The following MINDY4B variants were observed in gnomAD, a reference collection of about 807,000 sequenced individuals.
The protein encoded by MINDY4B is inactive ubiquitin carboxyl-terminal hydrolase MINDY-4B.
Under a neutral mutation model 16.7 loss-of-function variants are expected in MINDY4B, and 25 were observed. That is an observed-to-expected ratio of 1.49 (90% CI 1.09 to 2.09). The LOEUF (loss-of-function observed/expected upper bound fraction) is 2.09. Ranked by LOEUF, MINDY4B falls within the 30% of genes most tolerant of loss-of-function variation. The pLI is 0.00. For missense variants in MINDY4B, 327 were observed against 168.4 expected, an observed-to-expected ratio of 1.94 and a Z score of -5.21; for synonymous variants, 132 against 61.9, an observed-to-expected ratio of 2.13 and a Z score of -5.32.
At chr3:150,873,522 G>T (rs1717017552) in intron 10 of MINDY4B, among the ~76,000 whole-genome samples, 155 bp from the exon 11 acceptor site, 1 of 152,190 alleles carries the variant, frequency 6.6e-6, no homozygotes, top group South Asian at 2.1e-4. Context: ...TGAAATCAAG[G>T]CTTCGTCATG....
chr3:150,897,488 G>A (rs191461005), intron 3 of MINDY4B, among the ~76,000 whole-genome samples: 111 of 152,204 alleles, frequency 7.3e-4, no homozygotes, highest in Non-Finnish European at 1.2e-3. Context: ...GTGGACAAAC[G>A]GAGCGTGGAG....
chr3:150,890,388 A>G lies in MINDY4B; in HGVS notation c.688-3T>C. 3.2e-6 allele frequency: 2 copies of G among 629,090 alleles called. No individual in the cohort carries two copies. The highest frequency in any genetic ancestry group is 2.8e-5 in the East Asian group (1 of 35,102). The allele number at this position is 629,090 out of a possible 1,614,324, so 39.0% of individuals were successfully genotyped here. On this transcript the variant is annotated splice_polypyrimidine_tract_variant and splice_region_variant and intron_variant, in intron 6 of 11. Coordinates refer to ENST00000465419, the MANE Select transcript of MINDY4B (RefSeq NM_001351281.2). ...TCTAAAAATTCAAACAGCTGGAGCT[A>G]TAAATCAGGAACAGAAGATAAAAAT...
At chr3:150,874,588 AAGG>A (rs1342354506) in intron 10 of MINDY4B, among the ~76,000 whole-genome samples, 2 of 152,212 alleles carry the variant, frequency 1.3e-5, no homozygotes, top group Non-Finnish European at 2.9e-5. Context: ...ATGTGACGCC[AAGG>A]AGAATTCCTG....
intron 11 of MINDY4B, among the ~76,000 whole-genome samples, chr3:150,871,997 C>G (rs186963167): frequency 4.6e-5 from 7 of 152,330 alleles, no homozygotes; most frequent in African/African-American, 1.4e-4. Flanking sequence ...TAAGAAGGTA[C>G]TTAGCATCTA....
intron 8 of MINDY4B, among the ~76,000 whole-genome samples, chr3:150,884,657 A>G (rs1170839930): frequency 1.3e-5 from 2 of 152,156 alleles, no homozygotes; most frequent in Non-Finnish European, 2.9e-5. Context: ...TGATGGCGGT[A>G]TATAAAAGAC....
rs1183662596 is a variant in MINDY4B, at chr3:150,873,268, CTGA to C, written c.1156_1158del (p.Ser386del). On this transcript the variant is annotated inframe_deletion, in exon 11 of 12. Coordinates refer to ENST00000465419, the MANE Select transcript of MINDY4B (RefSeq NM_001351281.2). ...TCAAAGAGACGTTCCATTTTCCAGT[CTGA>C]TAAGAGCTGCCTGTTTGTGCAAAAA... 1 of 702,918 alleles carries C rather than the reference CTGA, an allele frequency of 1.4e-6. No homozygotes were observed. Among genetic ancestry groups the C allele is most frequent in the East Asian group, 2.7e-5 (1 of 37,304 alleles). The allele number at this position is 702,918 out of a possible 1,614,324, so 43.5% of individuals were successfully genotyped here.
At chr3:150,873,475 C>G (rs1717016335) in intron 10 of MINDY4B, 108 bp from the exon 11 acceptor site, 1 of 626,800 alleles carries the variant, frequency 1.6e-6, no homozygotes. Context: ...TCTTGTTGCA[C>G]TTGTCGCGTG....
chr3:150,881,276 C>T (rs561742560), intron 10 of MINDY4B, among the ~76,000 whole-genome samples: 158 of 152,184 alleles, frequency 1.0e-3, no homozygotes, highest in African/African-American at 3.7e-3. Flanking sequence ...CCCAGCTACT[C>T]GTGAGGCTGA....
At chr3:150,896,283 C>CT (rs61391683) in intron 3 of MINDY4B, among the ~76,000 whole-genome samples, 19,726 of 151,898 alleles carry the variant, frequency 0.13, 2,265 homozygotes, top group African/African-American at 0.31. Flanking sequence ...TTCTTATATC[C>CT]TTTTTTGGAT....
At chr3:150,877,028 G>A (rs559065941) in intron 10 of MINDY4B, among the ~76,000 whole-genome samples, 2 of 146,756 alleles carry the variant, frequency 1.4e-5, no homozygotes, top group South Asian at 4.4e-4. Flanking sequence ...GGCTTGTCAT[G>A]TCATCTAATG....
intron 7 of MINDY4B, among the ~76,000 whole-genome samples, chr3:150,889,358 C>T (rs944106870): frequency 6.6e-6 from 1 of 152,236 alleles, no homozygotes; most frequent in Non-Finnish European, 1.5e-5. Context: ...TCCAAGCCCG[C>T]AAGGGCAGGG....
chr3:150,890,089 A>G (rs1210269623), intron 7 of MINDY4B, among the ~76,000 whole-genome samples: 3 of 152,198 alleles, frequency 2.0e-5, no homozygotes, highest in Non-Finnish European at 4.4e-5. Flanking sequence ...GGTCTTGATT[A>G]ACCAAAGAAA....
rs539955472 is a variant in MINDY4B at position 150,882,469 on chromosome 3, G to T, written c.1059+428C>A. 1.8e-4 allele frequency among the ~76,000 whole-genome samples: 24 copies of T among 131,848 alleles called. No homozygotes were observed. The East Asian group carries it at 4.9e-3, about 27-fold the overall frequency. 86.5% of individuals were successfully genotyped at this position (131,848 alleles called of 152,430 possible). A position where few individuals can be genotyped will look rare whatever the true frequency, so the allele number is the denominator to read the frequency against. On this transcript the variant is annotated intron_variant, in intron 10 of 11. Coordinates refer to ENST00000465419, the MANE Select transcript of MINDY4B (RefSeq NM_001351281.2). Reference sequence around the variant, plus strand: ...TTCATTTGCATAAATGAAGGATTGGGAGGACACCCATCAACTGCTAACAGT... The same window carrying T: ...TTCATTTGCATAAATGAAGGATTGGTAGGACACCCATCAACTGCTAACAGT...
chr3:150,878,561 A>G (rs1453771149), intron 10 of MINDY4B, among the ~76,000 whole-genome samples: 1 of 152,228 alleles, frequency 6.6e-6, no homozygotes, highest in African/African-American at 2.4e-5. Context: ...TGGGGAGAGA[A>G]CACTGAGTCC....
chr3:150,890,937 C>A lies in MINDY4B; in HGVS notation c.687+1G>T, dbSNP rs1039884199. The A allele has an allele frequency of 3.6e-5, 25 of 702,448 alleles. No homozygotes were observed. Among genetic ancestry groups the A allele is most frequent in the Non-Finnish European group, 6.2e-5 (24 of 384,652 alleles). The allele number at this position is 702,448 out of a possible 1,614,324, so 43.5% of individuals were successfully genotyped here. A position where few individuals can be genotyped will look rare whatever the true frequency, so the allele number is the denominator to read the frequency against. Reference sequence around the variant, plus strand: ...GCCAGGACAGGGAGAACTGCACTTACTCGCTCAGTGAAATTGTCCACAGAG... The same window carrying A: ...GCCAGGACAGGGAGAACTGCACTTAATCGCTCAGTGAAATTGTCCACAGAG... On this transcript the variant is annotated splice_donor_variant, in intron 6 of 11. Coordinates refer to ENST00000465419, the MANE Select transcript of MINDY4B (RefSeq NM_001351281.2). LOFTEE classifies it high-confidence loss of function.
rs1257715174 is a variant in MINDY4B at position 150,894,176 on chromosome 3, T to G, written c.429+10A>C. 1.5e-6 allele frequency: 1 copy of G among 678,820 alleles called. No homozygotes were observed. The highest frequency in any genetic ancestry group is 2.6e-6 in the Non-Finnish European group (1 of 378,332). The allele number at this position is 678,820 out of a possible 1,614,324, so 42.0% of individuals were successfully genotyped here. A position where few individuals can be genotyped will look rare whatever the true frequency, so the allele number is the denominator to read the frequency against. ...ATAAGGTTTTTTAAAAATTATAAAC[T>G]GGCTATTACCTTTCCCACTTCCAGA... On this transcript the variant is annotated intron_variant, in intron 4 of 11. Transcript: ENST00000465419.
Position 150,871,186 on chromosome 3 carries a change from A to T in MINDY4B, c.1242T>A (p.Asp414Glu). Reference protein sequence around the residue: ...SQKKLVRLTIDTHSHHWERDQ... With the variant: ...SQKKLVRLTIETHSHHWERDQ... ...CTCTTTCCCAGTGATGGGAGTGAGT[A>T]TCTGAAGAAGGAATAGCCAGCATTT... is the stretch of plus-strand genomic sequence containing the variant. Residue 414 changes from aspartate (D) to glutamate (E), a missense_variant and splice_region_variant, in exon 12 of 12, where the codon GAT becomes GAA. Coordinates refer to ENST00000465419, the MANE Select transcript of MINDY4B (RefSeq NM_001351281.2). 1.4e-6 allele frequency: 1 copy of T among 702,566 alleles called. No homozygotes were observed. The highest frequency in any genetic ancestry group is 2.0e-5 in the Admixed American group (1 of 49,986). The allele number at this position is 702,566 out of a possible 1,614,324, so 43.5% of individuals were successfully genotyped here. A position where few individuals can be genotyped will look rare whatever the true frequency, so the allele number is the denominator to read the frequency against.
rs1175936884 is a variant in MINDY4B, at chr3:150,873,328, G to A, written c.1099C>T (p.Leu367=). 7 of 702,682 alleles carry A rather than the reference G, an allele frequency of 1.0e-5. No individual in the cohort carries two copies. Among genetic ancestry groups the A allele is most frequent in the Non-Finnish European group, 1.8e-5 (7 of 384,824 alleles). 43.5% of individuals were successfully genotyped at this position (702,682 alleles called of 1,614,324 possible). A position where few individuals can be genotyped will look rare whatever the true frequency, so the allele number is the denominator to read the frequency against. ...CTGTAATTTCCATTGATGTTGCACAGCCAAATAGGTAATTTGGGAGTCTTC... is the reference window on the plus strand; with the variant it reads ...CTGTAATTTCCATTGATGTTGCACAACCAAATAGGTAATTTGGGAGTCTTC... ...MLKTPKLPIW[L]CNINGNYSIL... The change falls in exon 11 of 12, where the codon CTG becomes TTG. Residue 367 remains leucine (L), a synonymous_variant. Transcript: ENST00000465419.
In MINDY4B at chr3:150,891,000, CAA is replaced by C. The variant is rs1478031657; in HGVS notation, c.623_624del (p.Leu208ArgfsTer3). 1.7e-5 allele frequency: 12 copies of C among 702,874 alleles called. No individual in the cohort carries two copies. The Admixed American group carries it at 2.4e-4, about 14-fold the overall frequency. The allele number at this position is 702,874 out of a possible 1,614,324, so 43.5% of individuals were successfully genotyped here. A position where few individuals can be genotyped will look rare whatever the true frequency, so the allele number is the denominator to read the frequency against. On this transcript the variant is annotated frameshift_variant, in exon 6 of 12. Transcript: ENST00000465419. LOFTEE classifies it high-confidence loss of function. ...GACGCAACGTAAATGTCCTCAGTGA[CAA>C]GACAGATGGTGGCCTTCTGAGCTGC... Reference protein sequence around the residue: ...AGAAQKATICLVTEDIYVAST... With the variant: ...AGAAQKATICXVTEDIYVAST...
Sources: allele counts gnomAD v4.1 joint callset (sites outside exome capture counted in the v4.1 genomes callset), GRCh38; gene constraint gnomAD v4.1.1; transcripts MANE v1.5; gene names NCBI Gene and HGNC (gene_info 2026-07-23, HGNC 2026-07-21).